The following PTPRC variants were observed in gnomAD, a reference collection of about 807,000 sequenced individuals.
PTPRC encodes receptor-type tyrosine-protein phosphatase C.
A neutral mutation model predicts 155.9 loss-of-function variants in PTPRC; 44 were observed. That is an observed-to-expected ratio of 0.28 (90% CI 0.22 to 0.36). The LOEUF is 0.36. Among genes scored for constraint, PTPRC ranks in the 10% least tolerant of loss-of-function variants. PTPRC has a pLI of 1.00. For missense variants in PTPRC, 1,401 were observed against 1,564.6 expected (o/e 0.90, Z 1.76); for synonymous variants, 525 against 533.1 (o/e 0.98, Z 0.21).
At chr1:198,730,930 T>C (rs1325914051) in intron 17 of PTPRC, among the ~76,000 whole-genome samples, 1 of 152,152 alleles carries the variant, frequency 6.6e-6, no homozygotes, top group African/African-American at 2.4e-5. Flanking sequence ...CAGTAGTACA[T>C]GGAAGAGTAG....
intron 20 of PTPRC, 24 bp downstream of exon 20, chr1:198,732,580 T>C: frequency 6.6e-7 from 1 of 1,526,276 alleles, no homozygotes; most frequent in South Asian, 1.1e-5. Context: ...TGCATTTTTC[T>C]TATACCTACA....
Position 198,680,081 on chromosome 1 carries a change from A to G in PTPRC, c.74-12266A>G, listed in dbSNP as rs542775769. ...GCAGCGCGCAGCTGGGAGTGCCACT[A>G]GGCAAGGCGCAGGCGCAGCGGCGAC... On this transcript the variant is annotated intron_variant, in intron 2 of 32. Coordinates refer to ENST00000442510, the MANE Select transcript of PTPRC (RefSeq NM_002838.5). 436 of 446,002 alleles carry G rather than the reference A, an allele frequency of 9.8e-4. 2 individuals carry two copies. The highest frequency in any genetic ancestry group is 8.3e-3 in the African/African-American group (408 of 48,930). 27.6% of individuals were successfully genotyped at this position (446,002 alleles called of 1,614,324 possible).
chr1:198,692,439 A>G (rs1665981630), intron 3 of PTPRC, 66 bp downstream of exon 3: 1 of 1,210,114 alleles, frequency 8.3e-7, no homozygotes, highest in Non-Finnish European at 1.1e-6. Flanking sequence ...ATATTTAACT[A>G]CAATTTTCTA....
chr1:198,662,752 A>G (rs1664049571), intron 2 of PTPRC, among the ~76,000 whole-genome samples: 1 of 152,180 alleles, frequency 6.6e-6, no homozygotes. Context: ...TTTTACAGAT[A>G]CTATAGATAC....
Position 198,704,454 on chromosome 1 carries a change from T to C in PTPRC, c.659-18T>C, listed in dbSNP as rs140243082. The stretch of plus-strand genomic sequence containing the variant: ...AAAGCAAAATTTTAATAATTTACAT[T>C]TTTTTTCTCCATTACAGCTACTACT... On this transcript the variant is annotated intron_variant, in intron 7 of 32. Transcript: ENST00000442510. The C allele has an allele frequency of 5.3e-4, 854 of 1,613,580 alleles. 6 individuals are homozygous for C. The African/African-American group carries it at 0.01, about 19-fold the overall frequency.
intron 2 of PTPRC, among the ~76,000 whole-genome samples, chr1:198,641,555 C>T (rs2102170222): frequency 6.6e-6 from 1 of 152,188 alleles, no homozygotes; most frequent in South Asian, 2.1e-4. Flanking sequence ...GCCACGGCAA[C>T]AACCAGGCAG....
At chr1:198,696,346 C>T (rs1303605122) in intron 3 of PTPRC, among the ~76,000 whole-genome samples, 1 of 151,508 alleles carries the variant, frequency 6.6e-6, no homozygotes, top group Non-Finnish European at 1.5e-5. Context: ...TCATCTTTAC[C>T]ATTATGCTTC....
intron 23 of PTPRC, among the ~76,000 whole-genome samples, chr1:198,737,767 T>C (rs10919566): frequency 0.23 from 34,177 of 151,610 alleles, 4,827 homozygotes; most frequent in African/African-American, 0.39. Flanking sequence ...GACATTTTAA[T>C]AATACTGAGT....
chr1:198,656,812 G>A (rs1663607039), intron 2 of PTPRC, among the ~76,000 whole-genome samples: 1 of 151,802 alleles, frequency 6.6e-6, no homozygotes, highest in South Asian at 2.1e-4. Flanking sequence ...CAAGCAGGTT[G>A]GTTATGTTCT....
At chr1:198,664,935 T>A (rs1396748847) in intron 2 of PTPRC, among the ~76,000 whole-genome samples, 2 of 152,164 alleles carry the variant, frequency 1.3e-5, no homozygotes, top group African/African-American at 2.4e-5. Flanking sequence ...AGGACAAATA[T>A]GCTATATTTT....
At position 198,709,676 on chromosome 1, in the gene PTPRC, CT is replaced by C; in HGVS notation, c.1034-8del. ...ATCGATATATTCATTCGAAATATTT[CT>C]TTATTTCAGGTAATATGATATTTGA... On this transcript the variant is annotated splice_polypyrimidine_tract_variant and intron_variant, in intron 10 of 32. Transcript: ENST00000442510. The C allele has an allele frequency of 6.5e-7, 1 of 1,537,458 alleles. No individual in the cohort carries two copies.
At chr1:198,678,759 T>C (rs1385500215) in intron 2 of PTPRC, among the ~76,000 whole-genome samples, 1 of 152,052 alleles carries the variant, frequency 6.6e-6, no homozygotes, top group Non-Finnish European at 1.5e-5. Context: ...TTTCTTTTTT[T>C]TTTTGTAACC....
In PTPRC at chr1:198,755,923, A is replaced by G. The variant is rs753456219; in HGVS notation, c.3663A>G (p.Leu1221=). 2 of 1,611,242 alleles carry G rather than the reference A, an allele frequency of 1.2e-6. No homozygotes were observed. The highest frequency in any genetic ancestry group is 1.7e-6 in the Non-Finnish European group (2 of 1,177,758). ...MVSTFEQYQF[L]YDVIASTYPA... Reference sequence around the variant, plus strand: ...TTTACTAGGAGCAATATCAATTCCTATATGACGTCATTGCCAGCACCTACC... The same window carrying G: ...TTTACTAGGAGCAATATCAATTCCTGTATGACGTCATTGCCAGCACCTACC... The change falls in exon 33 of 33, where the codon CTA becomes CTG. Residue 1221 remains leucine, a synonymous_variant. Coordinates refer to ENST00000442510, the MANE Select transcript of PTPRC (RefSeq NM_002838.5).
At chr1:198,687,600 T>C (rs1049611945) in intron 2 of PTPRC, among the ~76,000 whole-genome samples, 2 of 149,112 alleles carry the variant, frequency 1.3e-5, no homozygotes, top group African/African-American at 2.5e-5. Context: ...AATCATTAGA[T>C]GACTGGGGGG....
chr1:198,678,000 A>G (rs1190332560), intron 2 of PTPRC, among the ~76,000 whole-genome samples: 1 of 152,210 alleles, frequency 6.6e-6, no homozygotes, highest in Non-Finnish European at 1.5e-5. Flanking sequence ...ACATAAATAT[A>G]GATACATATG....
rs1442814526 is a variant in PTPRC, at chr1:198,756,457, T to C, written c.*276T>C. 2 of 303,786 alleles carry C rather than the reference T, an allele frequency of 6.6e-6. No homozygotes were observed. Among genetic ancestry groups the C allele is most frequent in the Non-Finnish European group, 1.2e-5 (2 of 163,026 alleles). The allele number at this position is 303,786 out of a possible 1,614,324, so 18.8% of individuals were successfully genotyped here. A position where few individuals can be genotyped will look rare whatever the true frequency, so the allele number is the denominator to read the frequency against. On this transcript the variant is annotated 3_prime_UTR_variant, in exon 33 of 33. Coordinates refer to ENST00000442510, the MANE Select transcript of PTPRC (RefSeq NM_002838.5). ...GTGTGTATATGTATGTGTGTATGGG[T>C]GTGTGTTTGTGTGAGAGACAGAGAA...
chr1:198,685,175 ATAATAT>A (rs769927317), intron 2 of PTPRC, among the ~76,000 whole-genome samples: 54 of 152,130 alleles, frequency 3.5e-4, no homozygotes, highest in African/African-American at 8.2e-4. Context: ...GATTCCAAAA[ATAATAT>A]TAATATACCC....
At chr1:198,729,528 C>A (rs984284005) in intron 17 of PTPRC, among the ~76,000 whole-genome samples, 3 of 152,276 alleles carry the variant, frequency 2.0e-5, no homozygotes. Flanking sequence ...TAGGCATGAA[C>A]CATTGCGCCC....
At chr1:198,732,843 A>T (rs1571878928) in intron 20 of PTPRC, among the ~76,000 whole-genome samples, 1 of 152,034 alleles carries the variant, frequency 6.6e-6, no homozygotes, top group African/African-American at 2.4e-5. Flanking sequence ...TTCTATGCAT[A>T]TATTTCTCAC....
Sources: allele counts gnomAD v4.1 joint callset (sites outside exome capture counted in the v4.1 genomes callset), GRCh38; gene constraint gnomAD v4.1.1; transcripts MANE v1.5; gene names NCBI Gene and HGNC (gene_info 2026-07-23, HGNC 2026-07-21).